Variants in ADCY2 observed in about 807,000 individuals in gnomAD.
ADCY2 encodes the protein adenylate cyclase 2.
A neutral mutation model predicts 125.2 loss-of-function variants in ADCY2; 31 were observed. That is an observed-to-expected ratio of 0.25 (90% confidence interval 0.19 to 0.33). The LOEUF is 0.33. Among genes scored for constraint, ADCY2 ranks in the 10% least tolerant of loss-of-function variants. The pLI is 1.00. For synonymous variants in ADCY2, 512 were observed against 548.4 expected (o/e 0.93, Z 0.93); for missense variants, 904 against 1,418.2 (o/e 0.64, Z 5.82).
At chr5:7,457,345 G>A (rs1741717062) in intron 2 of ADCY2, among the ~76,000 whole-genome samples, 1 of 152,248 alleles carries the variant, frequency 6.6e-6, no homozygotes, top group East Asian at 1.9e-4. Flanking sequence ...TGTGCATGTG[G>A]TCAGCTGCTA....
At chr5:7,782,702 C>T (rs542073857) in intron 18 of ADCY2, among the ~76,000 whole-genome samples, 3 of 152,296 alleles carry the variant, frequency 2.0e-5, no homozygotes, top group South Asian at 4.1e-4. Context: ...ACATTAGCTT[C>T]GTAGGATGTT....
Position 7,828,152 on chromosome 5 carries a change from C to A in ADCY2, c.*1281C>A, listed in dbSNP as rs1308325788. 1 of 152,794 alleles carries A rather than the reference C, an allele frequency of 6.5e-6. No individual in the cohort carries two copies. Among genetic ancestry groups the A allele is most frequent in the Non-Finnish European group, 1.5e-5 (1 of 68,040 alleles). The allele number at this position is 152,794 out of a possible 1,614,324, so 9.5% of individuals were successfully genotyped here. A position where few individuals can be genotyped will look rare whatever the true frequency, so the allele number is the denominator to read the frequency against. On this transcript the variant is annotated 3_prime_UTR_variant, in exon 25 of 25. Coordinates refer to ENST00000338316, the MANE Select transcript of ADCY2 (RefSeq NM_020546.3). Reference sequence around the variant, plus strand: ...CTTTGCCAAATAGTGAAAAGTAGAGCAATCGTGTATAAGCTAATGTTTAAA... The same window carrying A: ...CTTTGCCAAATAGTGAAAAGTAGAGAAATCGTGTATAAGCTAATGTTTAAA...
chr5:7,486,685 A>G (rs183930395), intron 2 of ADCY2, among the ~76,000 whole-genome samples: 54 of 152,288 alleles, frequency 3.5e-4, no homozygotes, highest in Admixed American at 8.5e-4. Flanking sequence ...TCTTGCCTCC[A>G]TAAATTCTGA....
intron 23 of ADCY2, among the ~76,000 whole-genome samples, chr5:7,820,359 TG>T (rs1745257271): frequency 6.6e-6 from 1 of 151,956 alleles, no homozygotes; most frequent in African/African-American, 2.4e-5. Flanking sequence ...CCAGGTGTGG[TG>T]GTGTGTTCCT....
At chr5:7,424,028 G>A (rs1048002088) in intron 2 of ADCY2, among the ~76,000 whole-genome samples, 2 of 152,164 alleles carry the variant, frequency 1.3e-5, no homozygotes, top group African/African-American at 2.4e-5. Context: ...TGCAATTTAT[G>A]TGTGCAACAA....
chr5:7,551,968 A>G (rs1300773510), intron 3 of ADCY2, among the ~76,000 whole-genome samples: 3 of 152,204 alleles, frequency 2.0e-5, no homozygotes, highest in Non-Finnish European at 4.4e-5. Flanking sequence ...TTCATTGTGT[A>G]TATTTAATTT....
intron 2 of ADCY2, among the ~76,000 whole-genome samples, chr5:7,426,467 G>A (rs1179814644): frequency 6.6e-6 from 1 of 152,174 alleles, no homozygotes; most frequent in Non-Finnish European, 1.5e-5. Flanking sequence ...TGTCAGAAGA[G>A]ATGGAAAGAC....
At chr5:7,653,909 A>T in intron 4 of ADCY2, 1 of 283,110 alleles carries the variant, frequency 3.5e-6, no homozygotes, top group Non-Finnish European at 7.2e-6. Flanking sequence ...GGGAGGAGTC[A>T]GTTTGGGGGC....
chr5:7,692,316 G>A (rs1224721761), intron 5 of ADCY2: 2 of 152,096 alleles, frequency 1.3e-5, no homozygotes, highest in Non-Finnish European at 2.9e-5. Context: ...TTTTAGATTA[G>A]CTATATAATA....
At chr5:7,582,344 T>C (rs1197733158) in intron 3 of ADCY2, among the ~76,000 whole-genome samples, 2 of 152,058 alleles carry the variant, frequency 1.3e-5, no homozygotes, top group Admixed American at 6.5e-5. Flanking sequence ...CAGTGATACT[T>C]AGAGAACAAA....
At chr5:7,698,222 G>A (rs1193143510) in intron 6 of ADCY2, 25 bp from the exon 7 acceptor site, 2 of 1,613,062 alleles carry the variant, frequency 1.2e-6, no homozygotes, top group Admixed American at 1.7e-5. Flanking sequence ...TAATGCAACT[G>A]AAATTCTGTA....
At chr5:7,704,332 C>T (rs1342432075) in intron 7 of ADCY2, among the ~76,000 whole-genome samples, 1 of 152,186 alleles carries the variant, frequency 6.6e-6, no homozygotes, top group Non-Finnish European at 1.5e-5. Context: ...CACCTCATTC[C>T]CTGCTAGCCC....
intron 1 of ADCY2, among the ~76,000 whole-genome samples, chr5:7,405,113 ATAGAACC>A (rs2111447990): frequency 6.6e-6 from 1 of 152,242 alleles, no homozygotes; most frequent in African/African-American, 2.4e-5. Context: ...GTCTAAGGGG[ATAGAACC>A]TAACTTGATG....
chr5:7,754,789 G>A (rs951169757), intron 15 of ADCY2, among the ~76,000 whole-genome samples: 4 of 151,902 alleles, frequency 2.6e-5, no homozygotes, highest in African/African-American at 4.8e-5. Flanking sequence ...CCTAGGAGGC[G>A]GAGGTTGCAG....
chr5:7,745,274 T>C (rs987305479), intron 15 of ADCY2, among the ~76,000 whole-genome samples: 1 of 152,204 alleles, frequency 6.6e-6, no homozygotes, highest in African/African-American at 2.4e-5. Flanking sequence ...AAAGCTTGTC[T>C]CTGCCTTTCC....
At chr5:7,618,296 G>A (rs548394467) in intron 3 of ADCY2, among the ~76,000 whole-genome samples, 3 of 152,224 alleles carry the variant, frequency 2.0e-5, no homozygotes, top group Non-Finnish European at 2.9e-5. Flanking sequence ...CATAATCAGC[G>A]GGGCACTCTG....
At chr5:7,818,496 A>G (rs1745189595) in intron 23 of ADCY2, among the ~76,000 whole-genome samples, 1 of 152,026 alleles carries the variant, frequency 6.6e-6, no homozygotes, top group Non-Finnish European at 1.5e-5. Flanking sequence ...AGCTGGGATT[A>G]TAGGCATGTG....
chr5:7,440,619 G>C (rs1740977782), intron 2 of ADCY2, among the ~76,000 whole-genome samples: 1 of 152,074 alleles, frequency 6.6e-6, no homozygotes, highest in Non-Finnish European at 1.5e-5. Context: ...ACACCACCAT[G>C]TTGCTTTATA....
intron 3 of ADCY2, among the ~76,000 whole-genome samples, chr5:7,537,157 T>C (rs886697709): frequency 1.6e-4 from 24 of 152,350 alleles, no homozygotes; most frequent in African/African-American, 5.8e-4. Flanking sequence ...TTTGGACCAA[T>C]TTAAAATTCT....
Sources: allele counts gnomAD v4.1 joint callset (sites outside exome capture counted in the v4.1 genomes callset), GRCh38; gene constraint gnomAD v4.1.1; transcripts MANE v1.5; gene names NCBI Gene and HGNC (gene_info 2026-07-23, HGNC 2026-07-21).